RAPH1: variants seen among roughly 807,000 people sequenced by gnomAD.
RAPH1 encodes the protein Ras association (RalGDS/AF-6) and pleckstrin homology domains 1, also known as ras-associated and pleckstrin homology domains-containing protein 1.
RAPH1 carries 18 observed loss-of-function variants against 88.1 expected under a neutral mutation model. The ratio of observed to expected loss-of-function variants is 0.20; its 90% CI spans 0.14 to 0.30. RAPH1 has a LOEUF of 0.30. Among genes scored for constraint, RAPH1 ranks in the 10% least tolerant of loss-of-function variants. The pLI is 1.00. For synonymous variants in RAPH1, 587 were observed against 559.0 expected (o/e 1.05, Z -0.71); for missense variants, 1,448 against 1,543.2 (o/e 0.94, Z 1.03).
Position 203,439,471 on chromosome 2 carries a change from C to G in RAPH1, c.3719G>C (p.Arg1240Thr), listed in dbSNP as rs2098501221. Residue 1240 changes from arginine (R) to threonine (T), a missense_variant, in exon 14 of 14, where the codon AGA becomes ACA. Transcript: ENST00000319170. ...TCTGGAGAGCTTGGTGTTCTGGTCTCTTTTGGGGGGAGCAGGAGGGGGTCC... is the reference window on the plus strand; with the variant it reads ...TCTGGAGAGCTTGGTGTTCTGGTCTGTTTTGGGGGGAGCAGGAGGGGGTCC... Reference protein sequence around the residue: ...RRGPPPAPPKRDQNTKLSRDW With the variant: ...RRGPPPAPPKTDQNTKLSRDW The G allele has an allele frequency of 6.2e-7, 1 of 1,613,818 alleles. No individual in the cohort carries two copies. Among genetic ancestry groups the G allele is most frequent in the Non-Finnish European group, 8.5e-7 (1 of 1,180,006 alleles).
In RAPH1 at chr2:203,476,148, T is replaced by C. The variant is rs182957985; in HGVS notation, c.732+13436A>G. Among the ~76,000 whole-genome samples the C allele has an allele frequency of 1.8e-3, 270 of 152,272 alleles. 4 individuals carry two copies. The highest frequency in any genetic ancestry group is 6.3e-3 in the African/African-American group (261 of 41,554). On this transcript the variant is annotated intron_variant, in intron 4 of 13. Coordinates refer to ENST00000319170, the MANE Select transcript of RAPH1 (RefSeq NM_213589.3). Reference sequence around the variant, plus strand: ...ATCCAAAATTTTAACAAGTAATAAATACAAATAAATTTTGTTGTTTTTGTT... The same window carrying C: ...ATCCAAAATTTTAACAAGTAATAAACACAAATAAATTTTGTTGTTTTTGTT...
At chr2:203,506,873 TATATATAGATATATATATATATATA>T (rs1689099095) in intron 1 of RAPH1, among the ~76,000 whole-genome samples, 1 of 105,438 alleles carries the variant, frequency 9.5e-6, no homozygotes, top group African/African-American at 4.5e-5. Context: ...TATATATATA[TATATATAGATATATATATATATATA>T]TTTTTTTTTT....
chr2:203,462,365 G>A (rs1454431127), intron 4 of RAPH1, among the ~76,000 whole-genome samples: 8 of 152,142 alleles, frequency 5.3e-5, no homozygotes, highest in African/African-American at 1.9e-4. Context: ...CTGTTACACT[G>A]AAAGTATACC....
chr2:203,462,063 CTG>C, intron 4 of RAPH1, 138 bp from the exon 5 acceptor site: 1 of 540,176 alleles, frequency 1.9e-6, no homozygotes, highest in African/African-American at 1.9e-5. Flanking sequence ...TAAAAAATAA[CTG>C]TTCACAAAGA....
chr2:203,502,682 T>C (rs1688788937), intron 1 of RAPH1, among the ~76,000 whole-genome samples: 1 of 150,218 alleles, frequency 6.7e-6, no homozygotes, highest in Admixed American at 6.7e-5. Context: ...TAGCCGGGTG[T>C]GGTGGCAGGT....
intron 10 of RAPH1, among the ~76,000 whole-genome samples, chr2:203,453,388 A>G (rs1384917388): frequency 2.0e-5 from 3 of 151,730 alleles, no homozygotes; most frequent in African/African-American, 7.3e-5. Flanking sequence ...CTACAAAAAA[A>G]CACAAAAATT....
intron 1 of RAPH1, among the ~76,000 whole-genome samples, chr2:203,534,367 C>T (rs142420770): frequency 4.7e-4 from 71 of 152,244 alleles, no homozygotes; most frequent in African/African-American, 1.6e-3. Flanking sequence ...TGTCTTCGAG[C>T]TTGTAAGCAA....
intron 1 of RAPH1, among the ~76,000 whole-genome samples, chr2:203,512,621 CTT>C (rs1201403582): frequency 1.7e-4 from 21 of 125,872 alleles, no homozygotes; most frequent in African/African-American, 2.6e-4. Flanking sequence ...CATCCCTTAC[CTT>C]TTTTTTTTTT....
At position 203,448,883 on chromosome 2, in the gene RAPH1, A is replaced by C; in HGVS notation, c.1414-47T>G. On this transcript the variant is annotated intron_variant, in intron 10 of 13. Transcript: ENST00000319170. This position sits in a 1 kb window ranked among gnomAD's most constrained non-coding sequence, Gnocchi z 4.1. ...CCAACTAAGTCCCTTGGAGAACTAA[A>C]GAAAAACAAACTTTATCAAAGCTTA... The C allele has an allele frequency of 7.7e-7, 1 of 1,298,168 alleles. No individual in the cohort carries two copies. Among genetic ancestry groups the C allele is most frequent in the Non-Finnish European group, 1.1e-6 (1 of 910,842 alleles). 80.4% of individuals were successfully genotyped at this position (1,298,168 alleles called of 1,614,324 possible).
In RAPH1 at chr2:203,491,256, T is replaced by C. The variant is rs150838197; in HGVS notation, c.184A>G (p.Met62Val). 4.6e-5 allele frequency: 75 copies of C among 1,613,518 alleles called. No individual in the cohort carries two copies. Among genetic ancestry groups the C allele is most frequent in the South Asian group, 7.7e-5 (7 of 91,020 alleles). ...KRSPLRQETN[M>V]ANFSYRFSIY... The stretch of plus-strand genomic sequence containing the variant: ...GAGAAGCGGTAAGAAAAGTTGGCCA[T>C]GTTTGTTTCCTGGCGAAGAGGAGAT... Residue 62 changes from methionine (M) to valine (V), a missense_variant, in exon 3 of 14, where the codon ATG (methionine) becomes GTG (valine). Transcript: ENST00000319170.
At chr2:203,518,036 T>C (rs1047381089) in intron 1 of RAPH1, among the ~76,000 whole-genome samples, 15 of 151,620 alleles carry the variant, frequency 9.9e-5, no homozygotes, top group African/African-American at 3.4e-4. Context: ...AAACCAAAGA[T>C]GGGAAATCAA....
In RAPH1 at chr2:203,437,907, TA is replaced by T; in HGVS notation, c.*1529del. ...TATAAGTGCTGGGATGGCCCATTTT[TA>T]TTCTCTTGTTTAGGAGCTGCTCTGA... On this transcript the variant is annotated 3_prime_UTR_variant, in exon 14 of 14. Coordinates refer to ENST00000319170, the MANE Select transcript of RAPH1 (RefSeq NM_213589.3). 3.6e-6 allele frequency: 1 copy of T among 276,014 alleles called. No individual in the cohort carries two copies. Among genetic ancestry groups the T allele is most frequent in the Non-Finnish European group, 7.1e-6 (1 of 140,950 alleles). The allele number at this position is 276,014 out of a possible 1,614,324, so 17.1% of individuals were successfully genotyped here.
intron 1 of RAPH1, among the ~76,000 whole-genome samples, chr2:203,532,517 T>C (rs914549916): frequency 6.6e-6 from 1 of 152,240 alleles, no homozygotes; most frequent in Non-Finnish European, 1.5e-5. Context: ...CGGTTTCAAA[T>C]CCAGCTCTGC....
intron 4 of RAPH1, among the ~76,000 whole-genome samples, chr2:203,464,766 TA>T (rs201339732): frequency 1.5e-3 from 217 of 148,120 alleles, no homozygotes; most frequent in African/African-American, 5.0e-3. Flanking sequence ...AGAACTGTTA[TA>T]AAAAAAAAGA....
intron 1 of RAPH1, among the ~76,000 whole-genome samples, chr2:203,531,169 C>T (rs1231542343): frequency 6.6e-6 from 1 of 152,012 alleles, no homozygotes; most frequent in Non-Finnish European, 1.5e-5. Flanking sequence ...TTGGATTTGG[C>T]TACAGCCTCT....
chr2:203,477,075 C>G, intron 4 of RAPH1: 1 of 1,610,010 alleles, frequency 6.2e-7, no homozygotes, highest in Non-Finnish European at 8.5e-7. Flanking sequence ...ATAGAACTTA[C>G]AGGTGTCAGC....
chr2:203,483,858 A>G (rs1013350545), intron 4 of RAPH1, among the ~76,000 whole-genome samples: 7 of 152,190 alleles, frequency 4.6e-5, no homozygotes, highest in Non-Finnish European at 7.4e-5. Flanking sequence ...TTTGTACTGC[A>G]GGCCTTATAC....
At chr2:203,504,519 C>CT (rs1392027488) in intron 1 of RAPH1, among the ~76,000 whole-genome samples, 1 of 152,172 alleles carries the variant, frequency 6.6e-6, no homozygotes, top group Non-Finnish European at 1.5e-5. Context: ...CACGAAACCA[C>CT]TTTTTCCTCC....
At chr2:203,478,481 TTTTG>T (rs1156634653) in intron 4 of RAPH1, among the ~76,000 whole-genome samples, 2 of 151,538 alleles carry the variant, frequency 1.3e-5, no homozygotes, top group Admixed American at 6.6e-5. Flanking sequence ...GGACATCATT[TTTTG>T]TTTTTTTTTG....
Sources: gnomAD v4.1 joint callset for allele counts (sites outside exome capture counted in the v4.1 genomes callset) on GRCh38, gnomAD v4.1.1 for gene constraint, Gnocchi (gnomAD v3.1) non-coding constraint, MANE v1.5 for transcripts, NCBI Gene and HGNC (gene_info 2026-07-23, HGNC 2026-07-21) for gene names.